The following ECHDC3 variants were observed in gnomAD, a reference collection of about 807,000 sequenced individuals.
ECHDC3 encodes enoyl-CoA hydratase domain-containing protein 3, mitochondrial.
In ECHDC3, 20 loss-of-function variants were observed where a neutral mutation model predicts 17.9. The ratio of observed to expected loss-of-function variants is 1.12; its 90% CI spans 0.79 to 1.63. The LOEUF (loss-of-function observed/expected upper bound fraction) is 1.63. Among genes scored for constraint, ECHDC3 ranks in the 40% most tolerant of loss-of-function variants. ECHDC3 has a pLI of 0.00. For missense variants in ECHDC3, 407 were observed against 357.7 expected (o/e 1.14, Z -1.11); for synonymous variants, 177 against 149.7 (o/e 1.18, Z -1.33).
chr10:11,763,213 T>C lies in ECHDC3; in HGVS notation c.592-11T>C. 1.3e-6 allele frequency: 1 copy of C among 765,092 alleles called. No homozygotes were observed. Among genetic ancestry groups the C allele is most frequent in the Non-Finnish European group, 2.4e-6 (1 of 410,996 alleles). The allele number at this position is 765,092 out of a possible 1,614,324, so 47.4% of individuals were successfully genotyped here. On this transcript the variant is annotated splice_polypyrimidine_tract_variant and intron_variant, in intron 4 of 4. Transcript: ENST00000379215. This position sits in a 1 kb window ranked among gnomAD's most constrained non-coding sequence, Gnocchi z 4.9. ...GAGAGCACCTCAGTGACATCCCGTG[T>C]CTCCCCGTAGGTGGCCTTGGAGATG...
At position 11,742,747 on chromosome 10, in the gene ECHDC3, GT is replaced by G; in HGVS notation, c.170+2del. 1 of 1,232,142 alleles carries G rather than the reference GT, an allele frequency of 8.1e-7. No individual in the cohort carries two copies. The highest frequency in any genetic ancestry group is 1.6e-5 in the African/African-American group (1 of 64,008). The allele number at this position is 1,232,142 out of a possible 1,614,324, so 76.3% of individuals were successfully genotyped here. On this transcript the variant is annotated splice_donor_variant, in intron 1 of 4. Coordinates refer to ENST00000379215, the MANE Select transcript of ECHDC3 (RefSeq NM_024693.5). LOFTEE classifies it high-confidence loss of function. ...GCGCGCGGCAGCTGGACGGCATAAGGTCAGCCCCGGGCCGCGCGGGCTCCTC... is the reference window on the plus strand; with the variant it reads ...GCGCGCGGCAGCTGGACGGCATAAGGCAGCCCCGGGCCGCGCGGGCTCCTC...
intron 3 of ECHDC3, 162 bp from the exon 4 acceptor site, chr10:11,755,246 A>T: frequency 1.6e-6 from 1 of 606,114 alleles, no homozygotes. Context: ...GGATGGCTTG[A>T]ACTCGGGAGG....
At chr10:11,759,624 G>T (rs970720497) in intron 4 of ECHDC3, among the ~76,000 whole-genome samples, 1 of 152,188 alleles carries the variant, frequency 6.6e-6, no homozygotes, top group Non-Finnish European at 1.5e-5. Flanking sequence ...ATGCAAAGGG[G>T]CATGACGTGG....
chr10:11,755,323 C>CAAAA lies in ECHDC3; in HGVS notation c.391-68_391-65dup, dbSNP rs35696123. On this transcript the variant is annotated intron_variant, in intron 3 of 4. Transcript: ENST00000379215. ...CCTGGGCAACAGAGTGAGACTCTGT[C>CAAAA]AAAAAAAAAAAAAAAAAAAAGCAAT... 3.8e-6 allele frequency: 3 copies of CAAAA among 784,320 alleles called. No homozygotes were observed. In the African/African-American group the frequency reaches 6.8e-5, roughly 18 times the overall value. 48.6% of individuals were successfully genotyped at this position (784,320 alleles called of 1,614,324 possible).
intron 4 of ECHDC3, among the ~76,000 whole-genome samples, chr10:11,758,529 G>A (rs1405707146): frequency 6.6e-6 from 1 of 152,242 alleles, no homozygotes; most frequent in Non-Finnish European, 1.5e-5. Context: ...ATGTTAGAGA[G>A]CCTGGGAGAA....
rs1476184709 is a variant in ECHDC3 at position 11,747,490 on chromosome 10, C to A, written c.292+20C>A. 2 of 1,612,322 alleles carry A rather than the reference C, an allele frequency of 1.2e-6. No individual in the cohort carries two copies. The highest frequency in any genetic ancestry group is 1.7e-5 in the Admixed American group (1 of 59,962). On this transcript the variant is annotated intron_variant, in intron 2 of 4. Transcript: ENST00000379215. ...TCTCGGGTATGTATCTGATATCTGT[C>A]CTTAGTATTCTGCAGTGCCCACAAG...
chr10:11,760,242 A>C (rs1832933077), intron 4 of ECHDC3, among the ~76,000 whole-genome samples: 2 of 152,206 alleles, frequency 1.3e-5, no homozygotes, highest in African/African-American at 4.8e-5. Context: ...GTGAGAGGTG[A>C]GAAATGGCTT....
At chr10:11,755,748 TG>T (rs1832880377) in intron 4 of ECHDC3, 140 bp downstream of exon 4, 9 of 771,022 alleles carry the variant, frequency 1.2e-5, no homozygotes, top group Non-Finnish European at 1.8e-5. Flanking sequence ...TCTGGCTAGA[TG>T]GGCCAGGATG....
chr10:11,743,780 A>G (rs926176272), intron 1 of ECHDC3, among the ~76,000 whole-genome samples: 5 of 152,186 alleles, frequency 3.3e-5, no homozygotes, highest in African/African-American at 1.2e-4. Context: ...TTTCTTGCCC[A>G]TTGCTAAGTT....
Position 11,742,609 on chromosome 10 carries a change from G to C in ECHDC3, c.33G>C (p.Gly11=). 7.7e-7 allele frequency: 1 copy of C among 1,301,302 alleles called. No individual in the cohort carries two copies. The highest frequency in any genetic ancestry group is 9.8e-7 in the Non-Finnish European group (1 of 1,025,458). 80.6% of individuals were successfully genotyped at this position (1,301,302 alleles called of 1,614,324 possible). The stretch of plus-strand genomic sequence containing the variant: ...CCGTCGCCGTCTTGCGGGCCTTCGG[G>C]GCAAGTGGGCCCATGTGTCTCCGGC... MAAVAVLRAF[G]ASGPMCLRRG... Residue 11 remains glycine, a synonymous_variant, in exon 1 of 5, where the codon GGG becomes GGC. Transcript: ENST00000379215.
chr10:11,762,828 C>T (rs527709171), intron 4 of ECHDC3, among the ~76,000 whole-genome samples: 1 of 152,200 alleles, frequency 6.6e-6, no homozygotes, highest in African/African-American at 2.4e-5. Flanking sequence ...TGGGAGGTGG[C>T]CCCAGTGGGT....
chr10:11,749,564 A>G lies in ECHDC3; in HGVS notation c.362A>G (p.His121Arg), dbSNP rs747968074. The change falls in exon 3 of 5, where the codon CAT (histidine) becomes CGT (arginine). Residue 121 changes from histidine (H) to arginine (R), a missense_variant. Physicochemically the swap from His to Arg is conservative, Grantham distance 29. Transcript: ENST00000379215. Reference sequence around the variant, plus strand: ...ACAGAGGAGCAAGGCCGTGATTACCATGCCGAAGTATTTCAGACCTGTTCC... The same window carrying G: ...ACAGAGGAGCAAGGCCGTGATTACCGTGCCGAAGTATTTCAGACCTGTTCC... ...ELTEEQGRDY[H>R]AEVFQTCSKV... The G allele has an allele frequency of 2.5e-6, 4 of 1,614,022 alleles. No individual in the cohort carries two copies. The African/African-American group carries it at 4.0e-5, about 16-fold the overall frequency.
rs76174108 is a variant in ECHDC3 at position 11,763,199 on chromosome 10, A to G, written c.592-25A>G. ...GGGGCGGGTCACAGGAGAGCACCTC[A>G]GTGACATCCCGTGTCTCCCCGTAGG... is the stretch of plus-strand genomic sequence containing the variant. On this transcript the variant is annotated intron_variant, in intron 4 of 4. Coordinates refer to ENST00000379215, the MANE Select transcript of ECHDC3 (RefSeq NM_024693.5). This position sits in a 1 kb window ranked among gnomAD's most constrained non-coding sequence, Gnocchi z 4.9. The G allele has an allele frequency of 1.3e-6, 1 of 749,564 alleles. No homozygotes were observed. Among genetic ancestry groups the G allele is most frequent in the Non-Finnish European group, 2.5e-6 (1 of 403,866 alleles). The allele number at this position is 749,564 out of a possible 1,614,324, so 46.4% of individuals were successfully genotyped here.
intron 1 of ECHDC3, 162 bp from the exon 2 acceptor site, chr10:11,747,187 T>C (rs1003699821): frequency 3.5e-6 from 3 of 855,356 alleles, no homozygotes; most frequent in Admixed American, 3.6e-5. Flanking sequence ...TTGACTTGGC[T>C]GTAACTCCAG....
chr10:11,756,063 A>G lies in ECHDC3; in HGVS notation c.591+455A>G, dbSNP rs558114681. On this transcript the variant is annotated intron_variant, in intron 4 of 4. Coordinates refer to ENST00000379215, the MANE Select transcript of ECHDC3 (RefSeq NM_024693.5). ...AGTGTCGCTGGCTCACTCTTCATCA[A>G]CAGTCTGTCTTGTTCCAGAACGGAT... is the stretch of plus-strand genomic sequence containing the variant. 3.3e-5 allele frequency among the ~76,000 whole-genome samples: 5 copies of G among 152,344 alleles called. No individual in the cohort carries two copies. In the South Asian group the frequency reaches 1.0e-3, roughly 32 times the overall value.
intron 3 of ECHDC3, among the ~76,000 whole-genome samples, chr10:11,753,850 C>T (rs1416922063): frequency 6.6e-6 from 1 of 152,126 alleles, no homozygotes; most frequent in East Asian, 1.9e-4. Context: ...TCTCAGCTCA[C>T]CACAACCTCC....
chr10:11,753,587 C>G (rs747879356), intron 3 of ECHDC3, among the ~76,000 whole-genome samples: 14 of 152,070 alleles, frequency 9.2e-5, no homozygotes, highest in African/African-American at 1.4e-4. Context: ...AAAACAAAAT[C>G]TTTTCTTTCT....
Position 11,747,370 on chromosome 10 carries a change from C to G in ECHDC3, c.192C>G (p.Pro64=), listed in dbSNP as rs778292104. 6.2e-7 allele frequency: 1 copy of G among 1,613,828 alleles called. No individual in the cohort carries two copies. The highest frequency in any genetic ancestry group is 8.5e-7 in the Non-Finnish European group (1 of 1,179,918). Residue 64 remains proline (P), a synonymous_variant, in exon 2 of 5, where the codon CCC becomes CCG. Coordinates refer to ENST00000379215, the MANE Select transcript of ECHDC3 (RefSeq NM_024693.5). ...ACAGGAACATCGTCTTGAGCAATCC[C>G]AAGAAGAGGAACGCGTTGTCACTTG... ...DGIRNIVLSN[P]KKRNALSLAM...
chr10:11,761,483 G>A (rs1334039767), intron 4 of ECHDC3, among the ~76,000 whole-genome samples: 3 of 152,212 alleles, frequency 2.0e-5, no homozygotes, highest in Non-Finnish European at 2.9e-5. Flanking sequence ...CCAGGCAACA[G>A]GCCACCCACA....
Sources: gnomAD v4.1 joint callset for allele counts (sites outside exome capture counted in the v4.1 genomes callset) on GRCh38, gnomAD v4.1.1 for gene constraint, Gnocchi (gnomAD v3.1) non-coding constraint, MANE v1.5 for transcripts, NCBI Gene and HGNC (gene_info 2026-07-23, HGNC 2026-07-21) for gene names.